Variants in PTPRT observed in about 807,000 individuals in gnomAD.
PTPRT encodes the protein receptor-type tyrosine-protein phosphatase T.
A neutral mutation model predicts 176.8 loss-of-function variants in PTPRT; 56 were observed. That is an observed-to-expected ratio of 0.32 (90% CI 0.26 to 0.40). The LOEUF (loss-of-function observed/expected upper bound fraction) is 0.40. Ranked by LOEUF, PTPRT falls within the 10% of genes least tolerant of loss-of-function variation. The probability of loss-of-function intolerance (pLI) is 1.00; values close to 1 mark genes in which losing one functional copy is unlikely to be tolerated. For synonymous variants in PTPRT, 783 were observed against 739.0 expected (o/e 1.06, Z -0.96); for missense variants, 1,540 against 1,908.2 (o/e 0.81, Z 3.60).
intron 1 of PTPRT, among the ~76,000 whole-genome samples, chr20:43,028,802 C>T (rs1370742663): frequency 6.6e-6 from 1 of 152,138 alleles, no homozygotes; most frequent in Non-Finnish European, 1.5e-5. Context: ...CCAGTAAATG[C>T]CAAATCTGAG....
intron 1 of PTPRT, among the ~76,000 whole-genome samples, chr20:42,934,658 T>C (rs1980060247): frequency 6.6e-6 from 1 of 152,200 alleles, no homozygotes. Flanking sequence ...AGAGGCATCC[T>C]TCAGTCCCTT....
intron 3 of PTPRT, among the ~76,000 whole-genome samples, chr20:42,788,956 G>C (rs2077333812): frequency 6.6e-6 from 1 of 152,200 alleles, no homozygotes; most frequent in African/African-American, 2.4e-5. Flanking sequence ...CGTGGCTAAT[G>C]AGACTAGGAA....
chr20:43,030,508 A>C (rs566712845), intron 1 of PTPRT, among the ~76,000 whole-genome samples: 12 of 149,990 alleles, frequency 8.0e-5, no homozygotes, highest in Admixed American at 3.3e-4. Flanking sequence ...TTCAGAACAA[A>C]AAAAAAAAAA....
rs557889 is a variant in PTPRT, at chr20:42,903,863, C to A, written c.89-17931G>T. On this transcript the variant is annotated intron_variant, in intron 1 of 30. Coordinates refer to ENST00000373187, the MANE Select transcript of PTPRT (RefSeq NM_007050.6). ...TAATTACAGCTGAACTAGCACGTCA[C>A]CCAGTTAAATCAGCAAGCCTTCTGC... is the stretch of plus-strand genomic sequence containing the variant. Among the ~76,000 whole-genome samples, 627 of 152,246 alleles carry A rather than the reference C, an allele frequency of 4.1e-3. 4 individuals are homozygous for A. Among genetic ancestry groups the A allele is most frequent in the African/African-American group, 0.014 (585 of 41,544 alleles).
chr20:42,591,256 G>C (rs573205809), intron 7 of PTPRT, among the ~76,000 whole-genome samples: 7 of 152,064 alleles, frequency 4.6e-5, no homozygotes, highest in African/African-American at 1.4e-4. Flanking sequence ...AATGCCAAAA[G>C]AAAAAGAGAG....
At position 42,772,000 on chromosome 20, in the gene PTPRT, G is replaced by A. The variant is rs542393524; in HGVS notation, c.569-450C>T. Among the ~76,000 whole-genome samples, 202 of 152,288 alleles carry A rather than the reference G, an allele frequency of 1.3e-3. 2 individuals carry two copies. Among genetic ancestry groups the A allele is most frequent in the African/African-American group, 4.5e-3 (185 of 41,562 alleles). The stretch of plus-strand genomic sequence containing the variant: ...GACACTGAAAGTTAAAAGAAAAATT[G>A]GGGGGCAGGAGGGGTGTATTCACCA... On this transcript the variant is annotated intron_variant, in intron 4 of 30. Coordinates refer to ENST00000373187, the MANE Select transcript of PTPRT (RefSeq NM_007050.6).
At position 42,075,149 on chromosome 20, in the gene PTPRT, G is replaced by T. The variant is rs1471621891; in HGVS notation, c.*5730C>A. The T allele has an allele frequency of 3.3e-6, 1 of 303,798 alleles. No individual in the cohort carries two copies. Among genetic ancestry groups the T allele is most frequent in the African/African-American group, 2.1e-5 (1 of 47,066 alleles). 18.8% of individuals were successfully genotyped at this position (303,798 alleles called of 1,614,324 possible). ...CCAACAGGGAAACTTTGCATGGGAGGAGTAAACAAATCTGAATCTCAGCTT... is the reference window on the plus strand; with the variant it reads ...CCAACAGGGAAACTTTGCATGGGAGTAGTAAACAAATCTGAATCTCAGCTT... On this transcript the variant is annotated 3_prime_UTR_variant, in exon 31 of 31. Coordinates refer to ENST00000373187, the MANE Select transcript of PTPRT (RefSeq NM_007050.6).
At position 42,157,331 on chromosome 20, in the gene PTPRT, T is replaced by A. The variant is rs192456715; in HGVS notation, c.2682+4021A>T. Among the ~76,000 whole-genome samples the A allele has an allele frequency of 1.7e-3, 254 of 150,570 alleles. 2 individuals are homozygous for A. Among genetic ancestry groups the A allele is most frequent in the African/African-American group, 6.0e-3 (245 of 40,504 alleles). ...GTACTTGTGGCAGACTGTATTATTATCCAAAGATTTTCTTTTTCTTTTTTT... is the reference window on the plus strand; with the variant it reads ...GTACTTGTGGCAGACTGTATTATTAACCAAAGATTTTCTTTTTCTTTTTTT... On this transcript the variant is annotated intron_variant, in intron 17 of 30. Transcript: ENST00000373187.
chr20:43,114,181 C>A (rs1172716651), intron 1 of PTPRT, among the ~76,000 whole-genome samples: 1 of 152,142 alleles, frequency 6.6e-6, no homozygotes, highest in South Asian at 2.1e-4. Flanking sequence ...ATGAGATAAG[C>A]CTATTTCACA....
chr20:42,620,905 A>G (rs200583054), intron 7 of PTPRT, among the ~76,000 whole-genome samples: 8 of 152,168 alleles, frequency 5.3e-5, no homozygotes, highest in Admixed American at 4.6e-4. Flanking sequence ...CGTCTTCTGC[A>G]TCGCTCACGC....
rs951710664 is a variant in PTPRT at position 42,073,203 on chromosome 20, G to A, written c.*7676C>T. On this transcript the variant is annotated 3_prime_UTR_variant, in exon 31 of 31. Coordinates refer to ENST00000373187, the MANE Select transcript of PTPRT (RefSeq NM_007050.6). The stretch of plus-strand genomic sequence containing the variant: ...CCCTGGAGTTGAGCGGGAACCTTGG[G>A]ATAGCTTGTGAGGGTGTCCAGAAGC... 1.1e-5 allele frequency: 2 copies of A among 189,410 alleles called. No homozygotes were observed. Among genetic ancestry groups the A allele is most frequent in the African/African-American group, 2.3e-5 (1 of 42,864 alleles). The allele number at this position is 189,410 out of a possible 1,614,324, so 11.7% of individuals were successfully genotyped here.
Position 42,856,845 on chromosome 20 carries a change from G to A in PTPRT, c.214+28962C>T, listed in dbSNP as rs992555. Among the ~76,000 whole-genome samples the A allele has an allele frequency of 7.7e-3, 1,171 of 152,242 alleles. 18 individuals carry two copies. Among genetic ancestry groups the A allele is most frequent in the Admixed American group, 0.039 (602 of 15,284 alleles). On this transcript the variant is annotated intron_variant, in intron 2 of 30. Coordinates refer to ENST00000373187, the MANE Select transcript of PTPRT (RefSeq NM_007050.6). ...CTACATGTATAAAGAGGAAAGAAGAGGGATGAAGATAGGATGTTGGGAGGG... is the reference window on the plus strand; with the variant it reads ...CTACATGTATAAAGAGGAAAGAAGAAGGATGAAGATAGGATGTTGGGAGGG...
intron 7 of PTPRT, among the ~76,000 whole-genome samples, chr20:42,633,803 AT>A (rs1569037117): frequency 4.2e-5 from 4 of 95,492 alleles, no homozygotes; most frequent in African/African-American, 1.9e-4. Context: ...ATATATATAT[AT>A]ATATATATAT....
At chr20:42,429,328 T>C (rs80114791) in intron 9 of PTPRT, among the ~76,000 whole-genome samples, 1 of 151,986 alleles carries the variant, frequency 6.6e-6, no homozygotes, top group Admixed American at 6.5e-5. Flanking sequence ...TGTGAGCCGG[T>C]TGAGAGAATC....
At position 42,079,679 on chromosome 20, in the gene PTPRT, C is replaced by T. The variant is rs1449258703; in HGVS notation, c.*1200G>A. 1 of 228,866 alleles carries T rather than the reference C, an allele frequency of 4.4e-6. No homozygotes were observed. Among genetic ancestry groups the T allele is most frequent in the Non-Finnish European group, 8.7e-6 (1 of 115,368 alleles). 14.2% of individuals were successfully genotyped at this position (228,866 alleles called of 1,614,324 possible). A position where few individuals can be genotyped will look rare whatever the true frequency, so the allele number is the denominator to read the frequency against. On this transcript the variant is annotated 3_prime_UTR_variant, in exon 31 of 31. Coordinates refer to ENST00000373187, the MANE Select transcript of PTPRT (RefSeq NM_007050.6). Reference sequence around the variant, plus strand: ...ATTTTAAATCAAAGTATAATGGGCTCCACAATGGCCTTTTTCAAGGTGGCT... The same window carrying T: ...ATTTTAAATCAAAGTATAATGGGCTTCACAATGGCCTTTTTCAAGGTGGCT...
Position 42,650,567 on chromosome 20 carries a change from G to C in PTPRT, c.1153+27299C>G, listed in dbSNP as rs1034871183. ...GCAGATTCATTTCAATCATCACCTT[G>C]ACAGTTACAGGCAGACACAGTCACA... is the stretch of plus-strand genomic sequence containing the variant. On this transcript the variant is annotated intron_variant, in intron 7 of 30. Transcript: ENST00000373187. Among the ~76,000 whole-genome samples the C allele has an allele frequency of 2.0e-5, 3 of 152,240 alleles. No individual in the cohort carries two copies. The East Asian group carries it at 5.8e-4, about 29-fold the overall frequency.
chr20:43,157,495 C>T (rs2014557567), intron 1 of PTPRT, among the ~76,000 whole-genome samples: 1 of 152,158 alleles, frequency 6.6e-6, no homozygotes, highest in East Asian at 1.9e-4. Context: ...ACTCCCTCTG[C>T]AAGCCAACCC....
In PTPRT at chr20:42,199,357, T is replaced by C. The variant is rs1306080663; in HGVS notation, c.2374A>G (p.Ser792Gly). ...GGCCCCATCTCCCTCTGGGCTCCAC[T>C]CTGGGTCTCCTTCTGCTTCTTGGCC... ...KLAKKQKETQ[S>G]GAQREMGPVA... Residue 792 changes from serine (S) to glycine (G), a missense_variant, in exon 16 of 31, where the codon AGT (serine) becomes GGT (glycine). Ser to Gly is a moderately conservative substitution (Grantham distance 56, BLOSUM62 0). This residue lies in a region of PTPRT where 255 missense variants were observed against 250.1 expected (regional missense o/e 1.02). Coordinates refer to ENST00000373187, the MANE Select transcript of PTPRT (RefSeq NM_007050.6). 1 of 1,613,936 alleles carries C rather than the reference T, an allele frequency of 6.2e-7. No homozygotes were observed. The highest frequency in any genetic ancestry group is 8.5e-7 in the Non-Finnish European group (1 of 1,179,962).
At chr20:42,758,793 T>C (rs2076874015) in intron 5 of PTPRT, among the ~76,000 whole-genome samples, 1 of 152,198 alleles carries the variant, frequency 6.6e-6, no homozygotes. Context: ...CTATGCAGAC[T>C]TGAGCAGGCA....
Sources: gnomAD v4.1 joint callset for allele counts (sites outside exome capture counted in the v4.1 genomes callset) on GRCh38, gnomAD v4.1.1 for gene constraint, gnomAD v4.1.1 regional missense constraint, MANE v1.5 for transcripts, NCBI Gene and HGNC (gene_info 2026-07-23, HGNC 2026-07-21) for gene names.